The following CTPS2 variants were observed in gnomAD, a reference collection of about 807,000 sequenced individuals.
CTPS2 encodes the protein CTP synthase 2, also known as CTP synthase II.
Under a neutral mutation model 46.8 loss-of-function variants are expected in CTPS2, and 19 were observed. The ratio of observed to expected loss-of-function variants is 0.41; its 90% CI spans 0.28 to 0.60. The LOEUF is 0.60. Among genes scored for constraint, CTPS2 ranks in the 20% least tolerant of loss-of-function variants. The pLI, the probability that CTPS2 is intolerant of heterozygous loss-of-function variation, is 0.35. For synonymous variants in CTPS2, 151 were observed against 165.2 expected, an observed-to-expected ratio of 0.91 and a Z score of 0.66; for missense variants, 286 against 447.6, an observed-to-expected ratio of 0.64 and a Z score of 3.26.
chrX:16,697,112 A>T (rs1374176031), intron 4 of CTPS2, among the ~76,000 whole-genome samples: 2 of 111,192 alleles, frequency 1.8e-5, no homozygotes, highest in African/African-American at 6.5e-5. Flanking sequence ...TAAATGAGTT[A>T]AAGAGGCACA....
At chrX:16,647,255 C>CT (rs746634342) in intron 13 of CTPS2, among the ~76,000 whole-genome samples, 1,107 of 39,754 alleles carry the variant, frequency 0.028, 127 homozygotes, top group Non-Finnish European at 0.035. Context: ...TGGGCCCATT[C>CT]TTTTTTTTTT....
chrX:16,655,712 AC>A lies in CTPS2; in HGVS notation c.1296+11801del, dbSNP rs1306817009. ...TCCTCGCAACTCTCCTCCGCAAAACACCCATGAAGTATCAAAGTATCAGTAT... is the reference window on the plus strand; with the variant it reads ...TCCTCGCAACTCTCCTCCGCAAAACACCATGAAGTATCAAAGTATCAGTAT... On this transcript the variant is annotated intron_variant, in intron 13 of 18. Transcript: ENST00000359276. Among the ~76,000 whole-genome samples, 37 of 111,740 alleles carry A rather than the reference AC, an allele frequency of 3.3e-4. 2 individuals are homozygous for A. Among genetic ancestry groups the A allele is most frequent in the Admixed American group, 8.5e-4 (9 of 10,561 alleles).
intron 10 of CTPS2, among the ~76,000 whole-genome samples, chrX:16,675,429 G>C (rs1013973384): frequency 9.0e-6 from 1 of 111,634 alleles, no homozygotes; most frequent in African/African-American, 3.2e-5. Flanking sequence ...TGGTATATTT[G>C]GTATAAAAAT....
intron 10 of CTPS2, 36 bp from the exon 11 acceptor site, chrX:16,670,710 T>C (rs1378960935): frequency 2.6e-5 from 27 of 1,029,614 alleles, no homozygotes; most frequent in Non-Finnish European, 3.6e-5. Context: ...AACTTGACTA[T>C]CCATTTTTTT....
intron 1 of CTPS2, among the ~76,000 whole-genome samples, chrX:16,710,892 C>G (rs1925417721): frequency 8.9e-6 from 1 of 112,567 alleles, no homozygotes; most frequent in Non-Finnish European, 1.9e-5. Flanking sequence ...GCTGGGATTA[C>G]AGGCATGAGC....
intron 7 of CTPS2, among the ~76,000 whole-genome samples, chrX:16,690,957 C>T (rs1285509742): frequency 1.8e-5 from 2 of 112,074 alleles, no homozygotes; most frequent in Non-Finnish European, 3.8e-5. Context: ...GAAGGAAACA[C>T]AAGATAAAGA....
chrX:16,635,390 C>T (rs771768097), intron 14 of CTPS2, among the ~76,000 whole-genome samples: 2 of 111,778 alleles, frequency 1.8e-5, no homozygotes, highest in African/African-American at 3.2e-5. Context: ...AAAACACTAT[C>T]GGCCAGGCAC....
chrX:16,632,694 G>T (rs1931542708), intron 14 of CTPS2, among the ~76,000 whole-genome samples: 2 of 111,705 alleles, frequency 1.8e-5, no homozygotes, highest in Admixed American at 9.5e-5. Context: ...AAAGTGCTGG[G>T]ATTACAGGCA....
At chrX:16,592,124 T>C (rs1336604206) in intron 17 of CTPS2, among the ~76,000 whole-genome samples, 1 of 109,087 alleles carries the variant, frequency 9.2e-6, no homozygotes, top group Non-Finnish European at 1.9e-5. Context: ...TGTGTGAGTG[T>C]GGGGAGGTGG....
intron 17 of CTPS2, among the ~76,000 whole-genome samples, chrX:16,593,365 C>T (rs1210336800): frequency 9.8e-6 from 1 of 101,610 alleles, no homozygotes; most frequent in Non-Finnish European, 2.0e-5. Context: ...GGAGGCGGAG[C>T]TTGCAACGAG....
intron 17 of CTPS2, among the ~76,000 whole-genome samples, chrX:16,593,156 G>A (rs1211138646): frequency 4.5e-5 from 5 of 112,053 alleles, no homozygotes; most frequent in Non-Finnish European, 9.4e-5. Flanking sequence ...CCAGCCAGGT[G>A]CGGTGGCTCA....
At position 16,687,389 on chromosome X, in the gene CTPS2, C is replaced by T. The variant is rs186357564; in HGVS notation, c.872+2061G>A. On this transcript the variant is annotated intron_variant, in intron 8 of 18. Transcript: ENST00000359276. ...ACTGGGGACGCTGAGGCAGGAGGAT[C>T]GCTTGAGCCCAGGAGGTCGAGGCTG... Among the ~76,000 whole-genome samples the T allele has an allele frequency of 6.8e-5, 7 of 103,020 alleles. No individual in the cohort carries two copies. The East Asian group carries it at 9.3e-4, about 14-fold the overall frequency. The allele number at this position is 103,020 out of a possible 115,157, so 89.5% of individuals were successfully genotyped here.
intron 10 of CTPS2, among the ~76,000 whole-genome samples, chrX:16,674,867 G>C (rs1922131232): frequency 9.1e-6 from 1 of 110,018 alleles, no homozygotes; most frequent in African/African-American, 3.3e-5. Flanking sequence ...TTATGCGTGT[G>C]GACATTGGCT....
rs761350050 is a variant in CTPS2, at chrX:16,620,301, T to C, written c.1425A>G (p.Glu475=). ...CCTCGAACCGATGTCTGTGTCTTTCTTCTATAAAAGGAACATCACCATAAA... is the reference window on the plus strand; with the variant it reads ...CCTCGAACCGATGTCTGTGTCTTTCCTCTATAAAAGGAACATCACCATAAA... ...RKLYGDVPFI[E]ERHRHRFEVN... Residue 475 remains glutamate (E), a synonymous_variant, in exon 15 of 19, where the codon GAA becomes GAG. Coordinates refer to ENST00000359276, the MANE Select transcript of CTPS2 (RefSeq NM_175859.3). 6.6e-6 allele frequency: 8 copies of C among 1,203,015 alleles called. No homozygotes were observed. In the Admixed American group the frequency reaches 1.8e-4, roughly 26 times the overall value.
intron 4 of CTPS2, among the ~76,000 whole-genome samples, chrX:16,695,358 T>C (rs1924039473): frequency 1.8e-5 from 2 of 110,868 alleles, no homozygotes; most frequent in African/African-American, 3.3e-5. Flanking sequence ...CACATTATCG[T>C]GTTCAGAAAC....
At chrX:16,647,028 A>G (rs943720343) in intron 13 of CTPS2, among the ~76,000 whole-genome samples, 1 of 111,258 alleles carries the variant, frequency 9.0e-6, no homozygotes, top group African/African-American at 3.3e-5. Flanking sequence ...TTTTTAGTTA[A>G]TGTTTCACAA....
intron 1 of CTPS2, among the ~76,000 whole-genome samples, chrX:16,703,938 T>C (rs1924784962): frequency 9.1e-6 from 1 of 109,455 alleles, no homozygotes; most frequent in African/African-American, 3.3e-5. Flanking sequence ...GTTCTTTTTT[T>C]TTTTTTTTTC....
chrX:16,659,457 C>T, intron 13 of CTPS2, among the ~76,000 whole-genome samples: 1 of 110,330 alleles, frequency 9.1e-6, no homozygotes, highest in South Asian at 3.9e-4. Context: ...CACATCATGC[C>T]CAAATGCAAG....
chrX:16,626,334 T>G (rs937990644), intron 14 of CTPS2, among the ~76,000 whole-genome samples: 1 of 110,779 alleles, frequency 9.0e-6, no homozygotes, highest in Admixed American at 9.6e-5. Flanking sequence ...TGAGCCAAGA[T>G]CATGCCACTG....
Sources: allele counts gnomAD v4.1 joint callset (sites outside exome capture counted in the v4.1 genomes callset), GRCh38; gene constraint gnomAD v4.1.1; transcripts MANE v1.5; gene names NCBI Gene and HGNC (gene_info 2026-07-23, HGNC 2026-07-21).